The following EEIG2 variants were observed in gnomAD, a reference collection of about 807,000 sequenced individuals.
The protein encoded by EEIG2 is family with sequence similarity 102 member B.
At chr1:108,572,575 T>C in the EEIG2 span, among the ~76,000 whole-genome samples, 1 of 152,202 alleles carries the variant, frequency 6.6e-6, no homozygotes, top group Admixed American at 6.5e-5. Flanking sequence ...CACCTTTTCA[T>C]TCGTCTTTCT....
the EEIG2 span, among the ~76,000 whole-genome samples, chr1:108,589,025 A>G: frequency 6.6e-6 from 1 of 152,330 alleles, no homozygotes; most frequent in East Asian, 1.9e-4. Flanking sequence ...ATTTCTCATT[A>G]GAACAGTTCT....
chr1:108,619,482 TA>T, the EEIG2 span, among the ~76,000 whole-genome samples: 1 of 152,262 alleles, frequency 6.6e-6, no homozygotes, highest in African/African-American at 2.4e-5. Flanking sequence ...AAGTTATATT[TA>T]AATATATGTC....
chr1:108,617,346 A>G, the EEIG2 span, among the ~76,000 whole-genome samples: 1 of 152,180 alleles, frequency 6.6e-6, no homozygotes, highest in East Asian at 1.9e-4. Context: ...GACACAAATA[A>G]GTAGATAAAA....
the EEIG2 span, among the ~76,000 whole-genome samples, chr1:108,580,844 A>G: frequency 1.3e-5 from 2 of 152,208 alleles, no homozygotes; most frequent in Admixed American, 6.5e-5. Context: ...GGCAAGTGCT[A>G]AAGTAAGAGC....
the EEIG2 span, chr1:108,638,339 A>T: frequency 2.8e-4 from 42 of 152,370 alleles, no homozygotes; most frequent in African/African-American, 1.0e-3. Flanking sequence ...AAAATCTCCA[A>T]CTAGCCTCCA....
chr1:108,620,336 CA>C, the EEIG2 span, among the ~76,000 whole-genome samples: 1 of 47,538 alleles, frequency 2.1e-5, no homozygotes, highest in Non-Finnish European at 1.2e-4. Flanking sequence ...TCTGAAGCAC[CA>C]ATTATATACC....
the EEIG2 span, chr1:108,625,758 A>ATC: frequency 0.054 from 7,648 of 140,708 alleles, 269 homozygotes; most frequent in East Asian, 0.12. Context: ...ATATAGATAC[A>ATC]TCTCTCTCTC....
chr1:108,594,113 G>A, the EEIG2 span, among the ~76,000 whole-genome samples: 16 of 151,992 alleles, frequency 1.1e-4, no homozygotes, highest in African/African-American at 2.7e-4. Context: ...CCAGCCTGAG[G>A]ACTTAGATTT....
At chr1:108,628,391 A>C in the EEIG2 span, 1 of 1,613,190 alleles carries the variant, frequency 6.2e-7, no homozygotes, top group African/African-American at 1.3e-5. Context: ...ATTTTCTCTG[A>C]CAGGGTATAG....
At chr1:108,600,766 T>G in the EEIG2 span, 4 of 1,450,338 alleles carry the variant, frequency 2.8e-6, no homozygotes, top group Non-Finnish European at 3.8e-6. Context: ...TGTTTATCTC[T>G]GCTTTATCTG....
chr1:108,615,013 G>A, the EEIG2 span, among the ~76,000 whole-genome samples: 3 of 152,288 alleles, frequency 2.0e-5, no homozygotes, highest in South Asian at 6.2e-4. Flanking sequence ...GATAGATTTG[G>A]CATTTAAAGA....
chr1:108,575,233 T>G, the EEIG2 span, among the ~76,000 whole-genome samples: 1 of 152,186 alleles, frequency 6.6e-6, no homozygotes, highest in African/African-American at 2.4e-5. Flanking sequence ...GTTATTAGAG[T>G]CAAAATGTCT....
At chr1:108,577,015 A>T in the EEIG2 span, among the ~76,000 whole-genome samples, 2 of 148,496 alleles carry the variant, frequency 1.3e-5, no homozygotes, top group African/African-American at 5.0e-5. Context: ...GATATCTCAT[A>T]GTGGTTTTGA....
chr1:108,624,677 C>T, the EEIG2 span: 32 of 1,614,054 alleles, frequency 2.0e-5, no homozygotes, highest in Non-Finnish European at 2.5e-5. Flanking sequence ...ATACCAATTG[C>T]TGGTGAATCT....
chr1:108,627,995 A>G, the EEIG2 span: 1 of 585,554 alleles, frequency 1.7e-6, no homozygotes, highest in Non-Finnish European at 3.1e-6. Context: ...TACTTTGTAT[A>G]TCTTGCAATA....
At chr1:108,634,962 T>C in the EEIG2 span, 1 of 676,190 alleles carries the variant, frequency 1.5e-6, no homozygotes, top group East Asian at 2.7e-5. Context: ...TCACATAGTT[T>C]CTATCCGTGA....
the EEIG2 span, among the ~76,000 whole-genome samples, chr1:108,599,523 AGAGAACAGTAT>A: frequency 6.6e-6 from 1 of 152,182 alleles, no homozygotes; most frequent in South Asian, 2.1e-4. Flanking sequence ...ACGACAGCAG[AGAGAACAGTAT>A]GTACAAAGGC....
the EEIG2 span, among the ~76,000 whole-genome samples, chr1:108,589,541 A>G: frequency 5.3e-5 from 8 of 152,186 alleles, no homozygotes; most frequent in South Asian, 1.5e-3. Flanking sequence ...TGATAATTCA[A>G]CAATTCTTTC....
the EEIG2 span, among the ~76,000 whole-genome samples, chr1:108,594,993 TAAAAA>T: frequency 7.2e-5 from 11 of 151,750 alleles, no homozygotes; most frequent in African/African-American, 2.7e-4. Flanking sequence ...GTTTGTTTCT[TAAAAA>T]AAAATTCACA....
Sources: allele counts gnomAD v4.1 joint callset (sites outside exome capture counted in the v4.1 genomes callset), GRCh38; gene constraint gnomAD v4.1.1; transcripts MANE v1.5; gene names NCBI Gene and HGNC (gene_info 2026-07-23, HGNC 2026-07-21).